SPATA12: variants seen among roughly 807,000 people sequenced by gnomAD.
The protein encoded by SPATA12 is spermatogenesis associated 12, also known as spermatogenesis-associated protein 12.
For synonymous variants in SPATA12, 85 were observed against 89.2 expected, an observed-to-expected ratio of 0.95 and a Z score of 0.26; for missense variants, 219 against 226.4, an observed-to-expected ratio of 0.97 and a Z score of 0.21.
chr3:57,071,705 T>C (rs934845804), intron 1 of SPATA12, among the ~76,000 whole-genome samples: 4 of 151,066 alleles, frequency 2.6e-5, no homozygotes, highest in African/African-American at 7.3e-5. Flanking sequence ...TTTCATGACC[T>C]TGCATCAGGC....
intron 1 of SPATA12, among the ~76,000 whole-genome samples, chr3:57,068,906 G>C (rs1045357350): frequency 6.6e-6 from 1 of 151,462 alleles, no homozygotes; most frequent in African/African-American, 2.4e-5. Flanking sequence ...AATCTGCTAA[G>C]GCAAAAGATC....
chr3:57,071,112 G>A (rs1705876050), intron 1 of SPATA12, among the ~76,000 whole-genome samples: 1 of 152,122 alleles, frequency 6.6e-6, no homozygotes, highest in South Asian at 2.1e-4. Flanking sequence ...CATAAGGATA[G>A]ACATATAGAT....
intron 1 of SPATA12, among the ~76,000 whole-genome samples, chr3:57,072,439 G>GA (rs1705960881): frequency 8.3e-6 from 1 of 119,870 alleles, no homozygotes; most frequent in African/African-American, 2.7e-5. Context: ...GCCAAATAAA[G>GA]AATTAAAAAA....
intron 1 of SPATA12, among the ~76,000 whole-genome samples, chr3:57,070,159 T>C (rs1705805480): frequency 6.6e-6 from 1 of 152,190 alleles, no homozygotes; most frequent in Non-Finnish European, 1.5e-5. Context: ...CCTCCAGGGC[T>C]GTGGGGTCTC....
chr3:57,066,922 C>A (rs1705570847), intron 1 of SPATA12, among the ~76,000 whole-genome samples: 1 of 152,090 alleles, frequency 6.6e-6, no homozygotes, highest in African/African-American at 2.4e-5. Context: ...CACCTGGCCT[C>A]CACAATCACA....
At position 57,073,707 on chromosome 3, in the gene SPATA12, G is replaced by T. The variant is rs369549967; in HGVS notation, c.13G>T (p.Ala5Ser). The T allele has an allele frequency of 6.2e-7, 1 of 1,613,800 alleles. No homozygotes were observed. The highest frequency in any genetic ancestry group is 1.7e-5 in the Admixed American group (1 of 59,970). Residue 5 changes from alanine to serine, a missense_variant, in exon 2 of 2, where the codon GCT becomes TCT. Physicochemically the swap from Ala to Ser is moderately conservative, Grantham distance 99. Coordinates refer to ENST00000334325, the MANE Select transcript of SPATA12 (RefSeq NM_181727.2). MSSSALTCGSTLEKS... is the reference protein window; with the variant it reads MSSSSLTCGSTLEKS... ...TGACTTGGGCCCCATGTCCAGTTCT[G>T]CTCTGACTTGTGGGTCCACCTTAGA... is the stretch of plus-strand genomic sequence containing the variant.
At chr3:57,070,632 T>C (rs1440203174) in intron 1 of SPATA12, among the ~76,000 whole-genome samples, 3 of 152,010 alleles carry the variant, frequency 2.0e-5, no homozygotes, top group Non-Finnish European at 2.9e-5. Context: ...CTAAAATTCA[T>C]AGGGAGATCC....
At position 57,074,121 on chromosome 3, in the gene SPATA12, T is replaced by G. The variant is rs1229963963; in HGVS notation, c.427T>G (p.Trp143Gly). 1 of 1,613,684 alleles carries G rather than the reference T, an allele frequency of 6.2e-7. No individual in the cohort carries two copies. The change falls in exon 2 of 2, where the codon TGG becomes GGG. Residue 143 changes from tryptophan to glycine, a missense_variant. Transcript: ENST00000334325. ...EDGDNERTTG[W>G]LWRLCEDIDA... Reference sequence around the variant, plus strand: ...TGGGGATAATGAGAGGACCACAGGATGGTTGTGGAGACTGTGTGAGGATAT... The same window carrying G: ...TGGGGATAATGAGAGGACCACAGGAGGGTTGTGGAGACTGTGTGAGGATAT...
chr3:57,072,507 G>A (rs1003741852), intron 1 of SPATA12, among the ~76,000 whole-genome samples: 5 of 151,444 alleles, frequency 3.3e-5, no homozygotes, highest in East Asian at 3.9e-4. Context: ...TCAGGAGGCC[G>A]AGGTGGGAGG....
At position 57,074,404 on chromosome 3, in the gene SPATA12, C is replaced by A; in HGVS notation, c.*137C>A. On this transcript the variant is annotated 3_prime_UTR_variant, in exon 2 of 2. Transcript: ENST00000334325. Reference sequence around the variant, plus strand: ...TCCCTTTCTGCATCTTCTTAGATATCACTTTTTCCAAGAAGCCTCCCTGTC... The same window carrying A: ...TCCCTTTCTGCATCTTCTTAGATATAACTTTTTCCAAGAAGCCTCCCTGTC... 1 of 722,180 alleles carries A rather than the reference C, an allele frequency of 1.4e-6. No homozygotes were observed. The highest frequency in any genetic ancestry group is 2.4e-6 in the Non-Finnish European group (1 of 424,864). 44.7% of individuals were successfully genotyped at this position (722,180 alleles called of 1,614,324 possible).
chr3:57,060,823 A>AACAC (rs140937310), intron 1 of SPATA12, 37 bp downstream of exon 1: 1 of 116,074 alleles, frequency 8.6e-6, no homozygotes, highest in South Asian at 3.2e-4. Context: ...CCCACCCCGA[A>AACAC]ACACACACAC....
At chr3:57,065,840 T>G (rs60580688) in intron 1 of SPATA12, among the ~76,000 whole-genome samples, 8,417 of 152,176 alleles carry the variant, frequency 0.055, 791 homozygotes, top group African/African-American at 0.19. Context: ...TACAGCTAGA[T>G]CTACGGAGCA....
At chr3:57,066,501 G>A (rs1411973305) in intron 1 of SPATA12, among the ~76,000 whole-genome samples, 2 of 152,184 alleles carry the variant, frequency 1.3e-5, no homozygotes, top group Admixed American at 1.3e-4. Flanking sequence ...GACCTCAAGT[G>A]ATCCATCCGC....
At position 57,074,296 on chromosome 3, in the gene SPATA12, T is replaced by C. The variant is rs1458874194; in HGVS notation, c.*29T>C. The C allele has an allele frequency of 1.3e-6, 2 of 1,580,888 alleles. No individual in the cohort carries two copies. The highest frequency in any genetic ancestry group is 1.7e-6 in the Non-Finnish European group (2 of 1,157,054). ...ATAATAATCCTGCAACATCTGAGAG[T>C]CTGGCAGCTGTTTGTCTGGGCCTTT... On this transcript the variant is annotated 3_prime_UTR_variant, in exon 2 of 2. Transcript: ENST00000334325.
chr3:57,073,865 A>G lies in SPATA12; in HGVS notation c.171A>G (p.Pro57=), dbSNP rs142843495. ...GTGCACTGGCATCATGCCAGGGTCC[A>G]GGTGTCCTGCCAGGAGCAGCCTCTG... The part of the protein sequence containing the change: ...PHCALASCQG[P]GVLPGAASAL... The change falls in exon 2 of 2, where the codon CCA becomes CCG. Residue 57 remains proline, a synonymous_variant. Transcript: ENST00000334325. The G allele has an allele frequency of 2.7e-4, 431 of 1,614,238 alleles. 1 individual carries two copies. In the African/African-American group the frequency reaches 4.7e-3, roughly 18 times the overall value.
In SPATA12 at chr3:57,075,061, A is replaced by T. The variant is rs570829439; in HGVS notation, c.*794A>T. The T allele has an allele frequency of 6.0e-6, 1 of 167,210 alleles. No homozygotes were observed. Among genetic ancestry groups the T allele is most frequent in the African/African-American group, 2.4e-5 (1 of 41,546 alleles). The allele number at this position is 167,210 out of a possible 1,614,324, so 10.4% of individuals were successfully genotyped here. ...ACTGGCCACACTGGGGAGTTTGACC[A>T]CAACATTGGGCTCCATATGCATGGA... On this transcript the variant is annotated 3_prime_UTR_variant, in exon 2 of 2. Coordinates refer to ENST00000334325, the MANE Select transcript of SPATA12 (RefSeq NM_181727.2).
At chr3:57,066,508 C>T (rs1705546703) in intron 1 of SPATA12, among the ~76,000 whole-genome samples, 3 of 152,238 alleles carry the variant, frequency 2.0e-5, no homozygotes, top group Admixed American at 2.0e-4. Flanking sequence ...AGTGATCCAT[C>T]CGCCTCGGCC....
At position 57,073,941 on chromosome 3, in the gene SPATA12, C is replaced by G; in HGVS notation, c.247C>G (p.Gln83Glu). Reference protein sequence around the residue: ...QGDVCQSETCQRYLQAAISLD... With the variant: ...QGDVCQSETCERYLQAAISLD... ...GGATGTGTGCCAAAGTGAGACCTGT[C>G]AGAGATATTTACAAGCAGCCATCTC... is the stretch of plus-strand genomic sequence containing the variant. The change falls in exon 2 of 2, where the codon CAG becomes GAG. Residue 83 changes from glutamine (Q) to glutamate (E), a missense_variant. By Grantham distance (29) the Gln-to-Glu change is conservative. Coordinates refer to ENST00000334325, the MANE Select transcript of SPATA12 (RefSeq NM_181727.2). 6.2e-7 allele frequency: 1 copy of G among 1,614,172 alleles called. No individual in the cohort carries two copies. The highest frequency in any genetic ancestry group is 8.5e-7 in the Non-Finnish European group (1 of 1,180,040).
Position 57,067,335 on chromosome 3 carries a change from C to G in SPATA12, c.-329-6031C>G, listed in dbSNP as rs558749815. 2.8e-4 allele frequency among the ~76,000 whole-genome samples: 42 copies of G among 151,556 alleles called. No homozygotes were observed. The South Asian group carries it at 6.2e-3, about 23-fold the overall frequency. On this transcript the variant is annotated intron_variant, in intron 1 of 1. Coordinates refer to ENST00000334325, the MANE Select transcript of SPATA12 (RefSeq NM_181727.2). ...CCGGGCGTGGTGGCGGGCGCCTGTA[C>G]TCCCAGTTACTCGGGAGGCTGAGGC...
Sources: gnomAD v4.1 joint callset for allele counts (sites outside exome capture counted in the v4.1 genomes callset) on GRCh38, gnomAD v4.1.1 for gene constraint, MANE v1.5 for transcripts, NCBI Gene and HGNC (gene_info 2026-07-23, HGNC 2026-07-21) for gene names.